Variants in FURIN observed in about 807,000 individuals in gnomAD.
FURIN encodes the protein FES upstream region.
In FURIN, 18 loss-of-function variants were observed where a neutral mutation model predicts 89.2. That is an observed-to-expected ratio of 0.20 (90% CI 0.14 to 0.30). The LOEUF is 0.30. Among genes scored for constraint, FURIN ranks in the 10% least tolerant of loss-of-function variants. The pLI, the probability that FURIN is intolerant of heterozygous loss-of-function variation, is 1.00. For synonymous variants in FURIN, 508 were observed against 466.4 expected (o/e 1.09, Z -1.15); for missense variants, 879 against 1,100.5 (o/e 0.80, Z 2.85).
chr15:90,879,808 G>A, intron 11 of FURIN, 34 bp downstream of exon 11: 1 of 1,608,434 alleles, frequency 6.2e-7, no homozygotes, highest in Non-Finnish European at 8.5e-7. Flanking sequence ...GCTGGATGTG[G>A]AGTTAGGTAG....
At position 90,883,054 on chromosome 15, in the gene FURIN, G is replaced by T. The variant is rs2032100662; in HGVS notation, c.*1176G>T. 1 of 152,626 alleles carries T rather than the reference G, an allele frequency of 6.6e-6. No homozygotes were observed. The highest frequency in any genetic ancestry group is 2.1e-4 in the South Asian group (1 of 4,836). The allele number at this position is 152,626 out of a possible 1,614,324, so 9.5% of individuals were successfully genotyped here. ...CATGCCGGGGGTTCATAGGTCACTG[G>T]CTCTCCAAGTGCCAGAGGTGGGCAG... is the stretch of plus-strand genomic sequence containing the variant. On this transcript the variant is annotated 3_prime_UTR_variant, in exon 16 of 16. Coordinates refer to ENST00000268171, the MANE Select transcript of FURIN (RefSeq NM_002569.4).
Position 90,875,623 on chromosome 15 carries a change from C to T in FURIN, c.-118C>T, listed in dbSNP as rs186981709. 7.4e-4 allele frequency: 653 copies of T among 880,082 alleles called. 2 individuals carry two copies. In the African/African-American group the frequency reaches 0.011, roughly 14 times the overall value. The allele number at this position is 880,082 out of a possible 1,614,324, so 54.5% of individuals were successfully genotyped here. ...CCTCCCGAGCCCTGCCCGTCTCGGCCCCATGCCCCCACCAGTCAGCCCCGG... is the reference window on the plus strand; with the variant it reads ...CCTCCCGAGCCCTGCCCGTCTCGGCTCCATGCCCCCACCAGTCAGCCCCGG... On this transcript the variant is annotated 5_prime_UTR_variant, in exon 2 of 16. Transcript: ENST00000268171.
At chr15:90,875,381 G>A (rs1028688461) in intron 1 of FURIN, among the ~76,000 whole-genome samples, 1 of 152,094 alleles carries the variant, frequency 6.6e-6, no homozygotes, top group Non-Finnish European at 1.5e-5. Context: ...GATTGGGGGG[G>A]ATTGTGAGGG....
chr15:90,879,736 A>T lies in FURIN; in HGVS notation c.1220A>T (p.Asn407Ile). The stretch of plus-strand genomic sequence containing the variant: ...CAGACCTCGAAGCCAGCCCACCTCA[A>T]TGCCAACGACTGGGCCACCAATGGT... Reference protein sequence around the residue: ...VVQTSKPAHLNANDWATNGVG... With the variant: ...VVQTSKPAHLIANDWATNGVG... Residue 407 changes from asparagine to isoleucine, a missense_variant, in exon 11 of 16, where the codon AAT (asparagine) becomes ATT (isoleucine). Transcript: ENST00000268171. The T allele has an allele frequency of 6.2e-7, 1 of 1,613,832 alleles. No individual in the cohort carries two copies. The highest frequency in any genetic ancestry group is 2.2e-5 in the East Asian group (1 of 44,886).
chr15:90,880,820 T>G lies in FURIN; in HGVS notation c.1681+5T>G, dbSNP rs1366792688. ...CCAGCGAAGCCAACAACTATGGTAC[T>G]GGGGGCACTTGAGGGGTAGGGGTAC... On this transcript the variant is annotated splice_donor_5th_base_variant and intron_variant, in intron 14 of 15. Coordinates refer to ENST00000268171, the MANE Select transcript of FURIN (RefSeq NM_002569.4). 1 of 1,612,496 alleles carries G rather than the reference T, an allele frequency of 6.2e-7. No homozygotes were observed. Among genetic ancestry groups the G allele is most frequent in the South Asian group, 1.1e-5 (1 of 90,930 alleles).
chr15:90,881,235 G>T lies in FURIN; in HGVS notation c.1793-51G>T. On this transcript the variant is annotated intron_variant, in intron 15 of 15. Coordinates refer to ENST00000268171, the MANE Select transcript of FURIN (RefSeq NM_002569.4). This position sits in a 1 kb window ranked among gnomAD's most constrained non-coding sequence, Gnocchi z 4.3. ...GGCTTGGGGCTGCTGTGGTCCTGGG[G>T]CTACAGTCTGTTTAGCTGACACACA... is the stretch of plus-strand genomic sequence containing the variant. 7.0e-7 allele frequency: 1 copy of T among 1,423,052 alleles called. No homozygotes were observed. Among genetic ancestry groups the T allele is most frequent in the African/African-American group, 1.4e-5 (1 of 71,058 alleles). The allele number at this position is 1,423,052 out of a possible 1,614,324, so 88.2% of individuals were successfully genotyped here.
rs895574347 is a variant in FURIN, at chr15:90,878,748, C to T, written c.841-16C>T. ...AAGTCCCAATCTTGAATGACCCCAG[C>T]CCACTCTGTCCACAGGGCCGAGGGG... On this transcript the variant is annotated splice_polypyrimidine_tract_variant and intron_variant, in intron 8 of 15. Coordinates refer to ENST00000268171, the MANE Select transcript of FURIN (RefSeq NM_002569.4). The T allele has an allele frequency of 2.6e-6, 4 of 1,511,004 alleles. No individual in the cohort carries two copies. The African/African-American group carries it at 4.1e-5, about 16-fold the overall frequency. 93.6% of individuals were successfully genotyped at this position (1,511,004 alleles called of 1,614,324 possible).
rs751273146 is a variant in FURIN at position 90,881,410 on chromosome 15, C to T, written c.1917C>T (p.Ser639=). Residue 639 remains serine (S), a synonymous_variant, in exon 16 of 16, where the codon AGC becomes AGT. Coordinates refer to ENST00000268171, the MANE Select transcript of FURIN (RefSeq NM_002569.4). The surrounding 1 kb of genome is among the most constrained non-coding windows in gnomAD (Gnocchi z 4.3). ...TENDVETIRA[S]VCAPCHASCA... is the part of the protein sequence containing the mutation. Reference sequence around the variant, plus strand: ...ATGACGTGGAGACCATCCGGGCCAGCGTCTGCGCCCCCTGCCACGCCTCAT... The same window carrying T: ...ATGACGTGGAGACCATCCGGGCCAGTGTCTGCGCCCCCTGCCACGCCTCAT... The T allele has an allele frequency of 6.8e-6, 11 of 1,612,640 alleles. No individual in the cohort carries two copies. The highest frequency in any genetic ancestry group is 1.3e-5 in the African/African-American group (1 of 74,926).
In FURIN at chr15:90,876,223, A is replaced by T. The variant is rs1171311134; in HGVS notation, c.178-32A>T. On this transcript the variant is annotated intron_variant, in intron 2 of 15. Coordinates refer to ENST00000268171, the MANE Select transcript of FURIN (RefSeq NM_002569.4). The surrounding 1 kb of genome is among the most constrained non-coding windows in gnomAD (Gnocchi z 5.0). The stretch of plus-strand genomic sequence containing the variant: ...CGCCTCCCGGGGACTGACAGATGGA[A>T]AGCCCAGCTCAGTCTCCCTGCTCTA... 2 of 1,426,642 alleles carry T rather than the reference A, an allele frequency of 1.4e-6. No individual in the cohort carries two copies. The highest frequency in any genetic ancestry group is 2.0e-6 in the Non-Finnish European group (2 of 1,009,790). 88.4% of individuals were successfully genotyped at this position (1,426,642 alleles called of 1,614,324 possible).
chr15:90,881,843 A>G lies in FURIN; in HGVS notation c.2350A>G (p.Arg784Gly). 5 of 1,612,952 alleles carry G rather than the reference A, an allele frequency of 3.1e-6. No individual in the cohort carries two copies. Among genetic ancestry groups the G allele is most frequent in the Non-Finnish European group, 4.2e-6 (5 of 1,179,944 alleles). ...AGAAGAGGACGAGGGCCGGGGCGAGAGGACCGCCTTTATCAAAGACCAGAG... is the reference window on the plus strand; with the variant it reads ...AGAAGAGGACGAGGGCCGGGGCGAGGGGACCGCCTTTATCAAAGACCAGAG... ...DSEEDEGRGE[R>G]TAFIKDQSAL Residue 784 changes from arginine (R) to glycine (G), a missense_variant, in exon 16 of 16, where the codon AGG becomes GGG. Physicochemically the swap from Arg to Gly is moderately radical, Grantham distance 125 (BLOSUM62 -2). Coordinates refer to ENST00000268171, the MANE Select transcript of FURIN (RefSeq NM_002569.4). The surrounding 1 kb of genome is among the most constrained non-coding windows in gnomAD (Gnocchi z 4.3).
rs11343964 is a variant in FURIN at position 90,875,029 on chromosome 15, C to CTT, written c.-159-532_-159-531dup. Among the ~76,000 whole-genome samples, 615 of 101,188 alleles carry CTT rather than the reference C, an allele frequency of 6.1e-3. 6 individuals are homozygous for CTT. The highest frequency in any genetic ancestry group is 0.012 in the African/African-American group (273 of 23,358). 66.4% of individuals were successfully genotyped at this position (101,188 alleles called of 152,430 possible). On this transcript the variant is annotated intron_variant, in intron 1 of 15. Transcript: ENST00000268171. Reference sequence around the variant, plus strand: ...TCTTCATCCTGCTTCTTCTGTTACACTTTTTTTTTTTTTTTTTTTTTTGAG... The same window carrying CTT: ...TCTTCATCCTGCTTCTTCTGTTACACTTTTTTTTTTTTTTTTTTTTTTTTGAG...
chr15:90,872,051 G>C (rs969886676), intron 1 of FURIN, among the ~76,000 whole-genome samples: 4 of 151,488 alleles, frequency 2.6e-5, no homozygotes, highest in Admixed American at 2.6e-4. Context: ...CGCCGCCACC[G>C]GGGCTGCCGC....
In FURIN at chr15:90,877,128, T is replaced by G. The variant is rs1407278287; in HGVS notation, c.502-7T>G. 6.2e-7 allele frequency: 1 copy of G among 1,610,956 alleles called. No individual in the cohort carries two copies. Among genetic ancestry groups the G allele is most frequent in the African/African-American group, 1.3e-5 (1 of 75,004 alleles). Reference sequence around the variant, plus strand: ...CCTTCTCCTGATGGTGGCCAAATCCTTCTTAGGATCCTGGGGCCAGTTTTG... The same window carrying G: ...CCTTCTCCTGATGGTGGCCAAATCCGTCTTAGGATCCTGGGGCCAGTTTTG... On this transcript the variant is annotated splice_region_variant and splice_polypyrimidine_tract_variant and intron_variant, in intron 5 of 15. Coordinates refer to ENST00000268171, the MANE Select transcript of FURIN (RefSeq NM_002569.4).
intron 13 of FURIN, 140 bp from the exon 14 acceptor site, chr15:90,880,551 C>T (rs755777156): frequency 9.0e-4 from 824 of 920,524 alleles, no homozygotes; most frequent in Non-Finnish European, 1.2e-3. Flanking sequence ...CACTGAGAAA[C>T]AGCCAAGCCA....
At chr15:90,877,294 C>G (rs1191983387) in intron 6 of FURIN, 83 bp downstream of exon 6, 1 of 1,225,034 alleles carries the variant, frequency 8.2e-7, no homozygotes, top group Non-Finnish European at 1.1e-6. Flanking sequence ...TGAGATGTGC[C>G]TTGCCTAAAA....
At position 90,882,272 on chromosome 15, in the gene FURIN, G is replaced by T. The variant is rs752074498; in HGVS notation, c.*394G>T. Reference sequence around the variant, plus strand: ...AATAATGGTCCCATCCAGGCAGTCGGGGGCTGGCCTAGGAGATATCTGAGG... The same window carrying T: ...AATAATGGTCCCATCCAGGCAGTCGTGGGCTGGCCTAGGAGATATCTGAGG... On this transcript the variant is annotated 3_prime_UTR_variant, in exon 16 of 16. Coordinates refer to ENST00000268171, the MANE Select transcript of FURIN (RefSeq NM_002569.4). 7 of 220,772 alleles carry T rather than the reference G, an allele frequency of 3.2e-5. No homozygotes were observed. Among genetic ancestry groups the T allele is most frequent in the Non-Finnish European group, 6.4e-5 (7 of 109,298 alleles). 13.7% of individuals were successfully genotyped at this position (220,772 alleles called of 1,614,324 possible).
chr15:90,880,628 GT>G (rs2031906916), intron 13 of FURIN, 62 bp from the exon 14 acceptor site: 3 of 1,553,986 alleles, frequency 1.9e-6, no homozygotes, highest in Non-Finnish European at 2.6e-6. Flanking sequence ...TGTGCTGTGG[GT>G]TAGATGTCCC....
At chr15:90,878,074 G>T (rs1444202443) in intron 7 of FURIN, 58 bp from the exon 8 acceptor site, 13 of 1,565,140 alleles carry the variant, frequency 8.3e-6, no homozygotes, top group Non-Finnish European at 1.1e-5. Context: ...CTTGGGGTGG[G>T]GGCCCTGACA....
chr15:90,880,187 G>A lies in FURIN; in HGVS notation c.1470G>A (p.Arg490=), dbSNP rs1487744911. ...HITRLEHAQA[R]LTLSYNRRGD... ...CTCGGCTGGAGCACGCTCAGGCGCGGCTCACCCTGTCCTATAATCGCCGTG... is the reference window on the plus strand; with the variant it reads ...CTCGGCTGGAGCACGCTCAGGCGCGACTCACCCTGTCCTATAATCGCCGTG... Residue 490 remains arginine, a synonymous_variant, in exon 13 of 16, where the codon CGG becomes CGA. Transcript: ENST00000268171. 6.2e-6 allele frequency: 10 copies of A among 1,612,604 alleles called. No individual in the cohort carries two copies. The highest frequency in any genetic ancestry group is 8.5e-6 in the Non-Finnish European group (10 of 1,179,646).
Sources: allele counts gnomAD v4.1 joint callset (sites outside exome capture counted in the v4.1 genomes callset), GRCh38; gene constraint gnomAD v4.1.1; non-coding constraint Gnocchi (gnomAD v3.1); transcripts MANE v1.5; gene names NCBI Gene and HGNC (gene_info 2026-07-23, HGNC 2026-07-21).